FBXO6: variants seen among roughly 807,000 people sequenced by gnomAD.
FBXO6 encodes the protein F-box only protein 6.
Under a neutral mutation model 25.0 loss-of-function variants are expected in FBXO6, and 13 were observed. That is an observed-to-expected ratio of 0.52 (90% CI 0.34 to 0.83). FBXO6 has a LOEUF of 0.83. Among genes scored for constraint, FBXO6 ranks in the 40% least tolerant of loss-of-function variants. The probability of loss-of-function intolerance (pLI) is 0.02; values close to 1 mark genes in which losing one functional copy is unlikely to be tolerated. For missense variants in FBXO6, 370 were observed against 380.2 expected (o/e 0.97, Z 0.22); for synonymous variants, 138 against 155.3 (o/e 0.89, Z 0.83).
intron 4 of FBXO6, among the ~76,000 whole-genome samples, chr1:11,672,711 CTT>C (rs779711429): frequency 6.6e-6 from 1 of 152,226 alleles, no homozygotes; most frequent in East Asian, 1.9e-4. Flanking sequence ...TCCCATGACT[CTT>C]TTTGGAGCTC....
At chr1:11,665,822 G>C (rs1360477338) in intron 1 of FBXO6, among the ~76,000 whole-genome samples, 1 of 151,818 alleles carries the variant, frequency 6.6e-6, no homozygotes, top group African/African-American at 2.4e-5. Context: ...GCCTACCGAA[G>C]TGCTGGGAAT....
chr1:11,666,311 C>T (rs953453981), intron 1 of FBXO6, among the ~76,000 whole-genome samples: 2 of 151,744 alleles, frequency 1.3e-5, no homozygotes, highest in Non-Finnish European at 2.9e-5. Flanking sequence ...CCACTATGCC[C>T]GGCGAATTTT....
At chr1:11,671,115 C>G in intron 2 of FBXO6, 151 bp from the exon 3 acceptor site, 2 of 961,660 alleles carry the variant, frequency 2.1e-6, no homozygotes. Flanking sequence ...TTGGTGTCCA[C>G]AGCCGCAGAG....
At chr1:11,667,609 T>C (rs75700559) in intron 1 of FBXO6, among the ~76,000 whole-genome samples, 3,845 of 151,696 alleles carry the variant, frequency 0.025, 163 homozygotes, top group African/African-American at 0.086. Flanking sequence ...ATTTTTTTTT[T>C]CCGGCCATCT....
intron 1 of FBXO6, among the ~76,000 whole-genome samples, chr1:11,667,258 G>C (rs1268201185): frequency 6.6e-6 from 1 of 152,152 alleles, no homozygotes; most frequent in African/African-American, 2.4e-5. Context: ...CTGAGTGACA[G>C]TGCAGAGCCC....
rs774560160 is a variant in FBXO6, at chr1:11,668,860, T to G, written c.202T>G (p.Trp68Gly). 6.2e-7 allele frequency: 1 copy of G among 1,614,158 alleles called. No homozygotes were observed. Among genetic ancestry groups the G allele is most frequent in the Admixed American group, 1.7e-5 (1 of 60,032 alleles). ...CLREGFITKD[W>G]DQPVADWKIF... Reference sequence around the variant, plus strand: ...GCGAGAGGGCTTCATCACCAAGGACTGGGACCAGCCCGTGGCCGACTGGAA... The same window carrying G: ...GCGAGAGGGCTTCATCACCAAGGACGGGGACCAGCCCGTGGCCGACTGGAA... Residue 68 changes from tryptophan (W) to glycine (G), a missense_variant, in exon 2 of 6, where the codon TGG (tryptophan) becomes GGG (glycine). Coordinates refer to ENST00000376753, the MANE Select transcript of FBXO6 (RefSeq NM_018438.6).
chr1:11,667,396 G>A (rs966603159), intron 1 of FBXO6, among the ~76,000 whole-genome samples: 25 of 152,168 alleles, frequency 1.6e-4, no homozygotes, highest in African/African-American at 5.3e-4. Context: ...TCCAGAACCC[G>A]TGCGCAGTGC....
intron 1 of FBXO6, among the ~76,000 whole-genome samples, chr1:11,667,126 A>G (rs970706139): frequency 1.3e-5 from 2 of 151,594 alleles, no homozygotes; most frequent in African/African-American, 2.4e-5. Flanking sequence ...CAGCCTGGGC[A>G]ACAAGAGTGA....
In FBXO6 at chr1:11,668,841, G is replaced by A. The variant is rs1442911673; in HGVS notation, c.183G>A (p.Glu61=). 3.1e-6 allele frequency: 5 copies of A among 1,614,180 alleles called. No homozygotes were observed. Among genetic ancestry groups the A allele is most frequent in the Non-Finnish European group, 4.2e-6 (5 of 1,180,032 alleles). The change falls in exon 2 of 6, where the codon GAG becomes GAA. Residue 61 remains glutamate (E), a synonymous_variant. Transcript: ENST00000376753. ...TCTGGAAACGCAAGTGCCTGCGAGA[G>A]GGCTTCATCACCAAGGACTGGGACC... is the stretch of plus-strand genomic sequence containing the variant. The part of the protein sequence containing the change: ...MTLWKRKCLR[E]GFITKDWDQP...
At chr1:11,671,155 A>G in intron 2 of FBXO6, 111 bp from the exon 3 acceptor site, 3 of 1,379,492 alleles carry the variant, frequency 2.2e-6, no homozygotes, top group Non-Finnish European at 3.0e-6. Flanking sequence ...CTGCCTCCCA[A>G]GAAGGTCACT....
rs781735569 is a variant in FBXO6 at position 11,673,573 on chromosome 1, C to G, written c.646-42C>G. The stretch of plus-strand genomic sequence containing the variant: ...GAGGACCTGGCTCCTGCCTTCCCCT[C>G]CCCCGTCCCGGTGGTCACTTCCTCT... On this transcript the variant is annotated intron_variant, in intron 5 of 5. Coordinates refer to ENST00000376753, the MANE Select transcript of FBXO6 (RefSeq NM_018438.6). This position sits in a 1 kb window ranked among gnomAD's most constrained non-coding sequence, Gnocchi z 4.3. 1.3e-6 allele frequency: 2 copies of G among 1,593,410 alleles called. No homozygotes were observed. The highest frequency in any genetic ancestry group is 1.7e-6 in the Non-Finnish European group (2 of 1,164,524).
chr1:11,665,723 G>A (rs1450650396), intron 1 of FBXO6, among the ~76,000 whole-genome samples: 1 of 151,282 alleles, frequency 6.6e-6, no homozygotes, highest in Non-Finnish European at 1.5e-5. Context: ...ACCACGCCCA[G>A]CTAATTTTTG....
In FBXO6 at chr1:11,671,955, C is replaced by T; in HGVS notation, c.441C>T (p.Asp147=). The T allele has an allele frequency of 6.2e-7, 1 of 1,614,202 alleles. No individual in the cohort carries two copies. The highest frequency in any genetic ancestry group is 2.2e-5 in the East Asian group (1 of 44,878). ...TGTGCCTCAAGTCCCAGCTGGTGGA[C>T]CTTGTAGCCGAGGGCTACTGGGAGG... The part of the protein sequence containing the change: ...YEMCLKSQLV[D]LVAEGYWEEL... The change falls in exon 4 of 6, where the codon GAC becomes GAT. Residue 147 remains aspartate (D), a synonymous_variant. Coordinates refer to ENST00000376753, the MANE Select transcript of FBXO6 (RefSeq NM_018438.6).
chr1:11,672,102 A>T, intron 4 of FBXO6, 79 bp downstream of exon 4: 1 of 1,296,930 alleles, frequency 7.7e-7, no homozygotes, highest in Non-Finnish European at 1.1e-6. Flanking sequence ...GACAACCCAT[A>T]GCAAGTGCCC....
At chr1:11,670,657 A>G (rs1557673735) in intron 2 of FBXO6, among the ~76,000 whole-genome samples, 1 of 146,650 alleles carries the variant, frequency 6.8e-6, no homozygotes, top group Non-Finnish European at 1.5e-5. Context: ...GGGTGTCGCT[A>G]TGTTCCCCAG....
intron 1 of FBXO6, among the ~76,000 whole-genome samples, chr1:11,665,220 T>C (rs931210322): frequency 2.2e-5 from 2 of 90,952 alleles, no homozygotes; most frequent in African/African-American, 8.8e-5. Flanking sequence ...AATTTCTTTT[T>C]TTTTTTTTTT....
chr1:11,669,761 C>CA (rs1467877338), intron 2 of FBXO6, among the ~76,000 whole-genome samples: 2 of 142,404 alleles, frequency 1.4e-5, no homozygotes, highest in African/African-American at 5.7e-5. Context: ...CACACACACA[C>CA]AAGTAGTTGG....
chr1:11,665,311 G>A (rs868558227), intron 1 of FBXO6, among the ~76,000 whole-genome samples: 1 of 126,392 alleles, frequency 7.9e-6, no homozygotes, highest in Non-Finnish European at 1.6e-5. Context: ...TGCAAGCTCC[G>A]CCTCCCGGGT....
intron 1 of FBXO6, among the ~76,000 whole-genome samples, chr1:11,667,152 G>T (rs1043632201): frequency 4.6e-5 from 7 of 151,144 alleles, no homozygotes; most frequent in African/African-American, 9.8e-5. Flanking sequence ...TCTCGGGGTG[G>T]GGGGGAAGAA....
Sources: gnomAD v4.1 joint callset for allele counts (sites outside exome capture counted in the v4.1 genomes callset) on GRCh38, gnomAD v4.1.1 for gene constraint, Gnocchi (gnomAD v3.1) non-coding constraint, MANE v1.5 for transcripts, NCBI Gene and HGNC (gene_info 2026-07-23, HGNC 2026-07-21) for gene names.